Variants in SBF2 observed in about 807,000 individuals in gnomAD.
The protein encoded by SBF2 is SET binding factor 2.
In SBF2, 112 loss-of-function variants were observed where a neutral mutation model predicts 225.2. That is an observed-to-expected ratio of 0.50 (90% CI 0.43 to 0.58). The LOEUF is 0.58. Among genes scored for constraint, SBF2 ranks in the 20% least tolerant of loss-of-function variants. The pLI is 0.00. For missense variants in SBF2, 1,996 were observed against 2,206.2 expected, an observed-to-expected ratio of 0.90 and a Z score of 1.91; for synonymous variants, 763 against 773.3, an observed-to-expected ratio of 0.99 and a Z score of 0.22.
intron 2 of SBF2, among the ~76,000 whole-genome samples, chr11:10,052,821 T>A (rs1950108942): frequency 1.3e-5 from 2 of 152,190 alleles, no homozygotes; most frequent in Admixed American, 1.3e-4. Context: ...AGGACTAGAA[T>A]CCAAGTCTCT....
chr11:10,047,654 C>T (rs1009901406), intron 2 of SBF2, among the ~76,000 whole-genome samples: 2 of 152,136 alleles, frequency 1.3e-5, no homozygotes, highest in African/African-American at 4.8e-5. Context: ...CCTCCTTTCA[C>T]TGTCTCATTG....
At chr11:10,231,253 C>T (rs1274996757) in intron 1 of SBF2, among the ~76,000 whole-genome samples, 2 of 152,124 alleles carry the variant, frequency 1.3e-5, no homozygotes, top group Non-Finnish European at 2.9e-5. Flanking sequence ...GCCATTGGTT[C>T]GAACTTTCTC....
chr11:9,928,316 GATAT>G (rs1864214498), intron 16 of SBF2, among the ~76,000 whole-genome samples: 1 of 152,232 alleles, frequency 6.6e-6, no homozygotes, highest in South Asian at 2.1e-4. Context: ...CATCAACAAA[GATAT>G]ATAGATGGTA....
chr11:10,018,391 AT>A, intron 6 of SBF2, among the ~76,000 whole-genome samples: 1 of 152,312 alleles, frequency 6.6e-6, no homozygotes, highest in Middle Eastern at 3.4e-3. Context: ...AAGGTACTTC[AT>A]CCTGCCACCA....
At chr11:10,163,010 G>A (rs1955817362) in intron 2 of SBF2, among the ~76,000 whole-genome samples, 1 of 152,078 alleles carries the variant, frequency 6.6e-6, no homozygotes, top group Non-Finnish European at 1.5e-5. Context: ...AAATATCAGG[G>A]AATGTATGAG....
In SBF2 at chr11:10,290,338, C is replaced by CA. The variant is rs200600384; in HGVS notation, c.55+3676dup. ...CATTAAGGCAGGAGGGGGAAACTGG[C>CA]AAAGGGCACTGGGGTACAACAGAGT... On this transcript the variant is annotated intron_variant, in intron 1 of 39. Transcript: ENST00000256190. 6.3e-3 allele frequency among the ~76,000 whole-genome samples: 963 copies of CA among 152,060 alleles called. 8 individuals are homozygous for CA. Among genetic ancestry groups the CA allele is most frequent in the African/African-American group, 0.022 (928 of 41,450 alleles).
intron 1 of SBF2, among the ~76,000 whole-genome samples, chr11:10,257,623 T>C (rs1454654641): frequency 7.9e-6 from 1 of 126,014 alleles, no homozygotes; most frequent in African/African-American, 3.1e-5. Flanking sequence ...TACGATAGCA[T>C]CACTGCACTC....
In SBF2 at chr11:9,886,699, G is replaced by GTTTTT. The variant is rs61240594; in HGVS notation, c.1929+9239_1929+9243dup. On this transcript the variant is annotated intron_variant, in intron 17 of 39. Coordinates refer to ENST00000256190, the MANE Select transcript of SBF2 (RefSeq NM_030962.4). ...ACAATTCCCAGTAAGTGATTCATGT[G>GTTTTT]TTTTTTTTTTGCCTATAATATTTAT... 1.6e-3 allele frequency among the ~76,000 whole-genome samples: 219 copies of GTTTTT among 133,766 alleles called. 7 individuals are homozygous for GTTTTT. The highest frequency in any genetic ancestry group is 5.8e-3 in the African/African-American group (207 of 35,970). 87.8% of individuals were successfully genotyped at this position (133,766 alleles called of 152,430 possible).
intron 2 of SBF2, among the ~76,000 whole-genome samples, chr11:10,121,018 G>T (rs1953418792): frequency 6.6e-6 from 1 of 152,008 alleles, no homozygotes; most frequent in South Asian, 2.1e-4. Flanking sequence ...TACCTGCCTC[G>T]GCCTCCCAAA....
intron 33 of SBF2, among the ~76,000 whole-genome samples, chr11:9,794,613 C>T (rs766595448): frequency 7.4e-6 from 1 of 135,934 alleles, no homozygotes; most frequent in Non-Finnish European, 1.5e-5. Flanking sequence ...TGCAGTGAGC[C>T]AAGATCGCAC....
chr11:10,139,212 A>G (rs1954530799), intron 2 of SBF2, among the ~76,000 whole-genome samples: 1 of 152,172 alleles, frequency 6.6e-6, no homozygotes, highest in Non-Finnish European at 1.5e-5. Flanking sequence ...ATTTTCATTT[A>G]TTTAGCCCAT....
chr11:9,858,861 T>C (rs1323320937), intron 17 of SBF2, among the ~76,000 whole-genome samples: 2 of 152,128 alleles, frequency 1.3e-5, no homozygotes, highest in Non-Finnish European at 2.9e-5. Context: ...AGAATGAGGA[T>C]ATAGCATGAA....
In SBF2 at chr11:9,872,523, T is replaced by G. The variant is rs564102975; in HGVS notation, c.1930-14127A>C. ...ACGTGAACAGAGATTTCACCAGAGATGATATATTGATAGCAAATACAAACA... is the reference window on the plus strand; with the variant it reads ...ACGTGAACAGAGATTTCACCAGAGAGGATATATTGATAGCAAATACAAACA... On this transcript the variant is annotated intron_variant, in intron 17 of 39. Coordinates refer to ENST00000256190, the MANE Select transcript of SBF2 (RefSeq NM_030962.4). Among the ~76,000 whole-genome samples, 16 of 152,264 alleles carry G rather than the reference T, an allele frequency of 1.1e-4. No homozygotes were observed. The East Asian group carries it at 3.1e-3, about 29-fold the overall frequency.
At position 9,882,836 on chromosome 11, in the gene SBF2, C is replaced by T. The variant is rs188071859; in HGVS notation, c.1929+13107G>A. On this transcript the variant is annotated intron_variant, in intron 17 of 39. Transcript: ENST00000256190. The stretch of plus-strand genomic sequence containing the variant: ...AAAAAAAAAACCACCAAAAAAAACC[C>T]ATTATCTTCTCTTGCACTAATCAAT... Among the ~76,000 whole-genome samples, 584 of 146,476 alleles carry T rather than the reference C, an allele frequency of 4.0e-3. 4 individuals are homozygous for T. The highest frequency in any genetic ancestry group is 0.014 in the African/African-American group (561 of 40,434).
chr11:10,266,925 C>T (rs1417160833), intron 1 of SBF2, among the ~76,000 whole-genome samples: 1 of 152,054 alleles, frequency 6.6e-6, no homozygotes, highest in African/African-American at 2.4e-5. Context: ...CCCGTCTCTA[C>T]CGAAAATATA....
chr11:9,858,260 T>C lies in SBF2; in HGVS notation c.2066A>G (p.Lys689Arg), dbSNP rs1857463431. Residue 689 changes from lysine (K) to arginine (R), a missense_variant, in exon 18 of 40, where the codon AAG becomes AGG. Coordinates refer to ENST00000256190, the MANE Select transcript of SBF2 (RefSeq NM_030962.4). The stretch of plus-strand genomic sequence containing the variant: ...CAGATGCGGGGCATGATTGTCTTCC[T>C]TGGCTGAGAGATAAAGGGAGCGAAC... The part of the protein sequence containing the change: ...EQVRSLYLSA[K>R]EDNHAPHLKQ... 1 of 1,614,090 alleles carries C rather than the reference T, an allele frequency of 6.2e-7. No homozygotes were observed. Among genetic ancestry groups the C allele is most frequent in the Admixed American group, 1.7e-5 (1 of 59,998 alleles).
chr11:10,221,701 A>G (rs565036967), intron 1 of SBF2, among the ~76,000 whole-genome samples: 1 of 152,320 alleles, frequency 6.6e-6, no homozygotes, highest in African/African-American at 2.4e-5. Context: ...CTATATATAA[A>G]TAGGTATATA....
At chr11:9,837,782 G>C (rs1304031286) in intron 26 of SBF2, among the ~76,000 whole-genome samples, 2 of 151,842 alleles carry the variant, frequency 1.3e-5, no homozygotes, top group Non-Finnish European at 2.9e-5. Context: ...TCTGTCACCA[G>C]GCTGGAGTGC....
At chr11:10,221,938 TGAAAAGTGAGAAACA>T (rs1958353863) in intron 1 of SBF2, among the ~76,000 whole-genome samples, 1 of 152,168 alleles carries the variant, frequency 6.6e-6, no homozygotes, top group African/African-American at 2.4e-5. Context: ...CCACAGTTGC[TGAAAAGTGAGAAACA>T]CATCCTAGGA....
Sources: allele counts gnomAD v4.1 joint callset (sites outside exome capture counted in the v4.1 genomes callset), GRCh38; gene constraint gnomAD v4.1.1; transcripts MANE v1.5; gene names NCBI Gene and HGNC (gene_info 2026-07-23, HGNC 2026-07-21).